The following NR6A1 variants were observed in gnomAD, a reference collection of about 807,000 sequenced individuals.
NR6A1 encodes the protein nuclear receptor subfamily 6 group A member 1.
Under a neutral mutation model 59.1 loss-of-function variants are expected in NR6A1, and 7 were observed. The observed-to-expected ratio is 0.12, with a 90% CI of 0.07 to 0.22. The LOEUF is 0.22. Ranked by LOEUF, NR6A1 falls within the 10% of genes least tolerant of loss-of-function variation. The pLI is 1.00. For missense variants in NR6A1, 468 were observed against 611.6 expected, an observed-to-expected ratio of 0.77 and a Z score of 2.48; for synonymous variants, 243 against 236.1, an observed-to-expected ratio of 1.03 and a Z score of -0.27.
chr9:124,527,831 T>C (rs1488189135), intron 7 of NR6A1, among the ~76,000 whole-genome samples: 2 of 152,242 alleles, frequency 1.3e-5, no homozygotes, highest in African/African-American at 4.8e-5. Context: ...AGGGGATTAA[T>C]GTTTTGGGTA....
chr9:124,552,884 G>A (rs1016251780), intron 3 of NR6A1, among the ~76,000 whole-genome samples: 1 of 152,002 alleles, frequency 6.6e-6, no homozygotes, highest in Non-Finnish European at 1.5e-5. Context: ...GTTTTTAAAA[G>A]GTCCTTCTTA....
chr9:124,681,867 G>C (rs1838172207), intron 2 of NR6A1, among the ~76,000 whole-genome samples: 1 of 152,066 alleles, frequency 6.6e-6, no homozygotes, highest in African/African-American at 2.4e-5. Flanking sequence ...TCATGCTTGG[G>C]TAAAAGATCC....
chr9:124,761,047 T>C (rs1005190377), intron 1 of NR6A1, among the ~76,000 whole-genome samples: 14 of 152,366 alleles, frequency 9.2e-5, no homozygotes, highest in African/African-American at 3.1e-4. Context: ...AGGTTAGACT[T>C]CAAGGGTACA....
chr9:124,672,480 T>C (rs1837824601), intron 2 of NR6A1, among the ~76,000 whole-genome samples: 1 of 152,072 alleles, frequency 6.6e-6, no homozygotes, highest in Admixed American at 6.6e-5. Flanking sequence ...CCGAGTGTGA[T>C]GGCACAAGCC....
At chr9:124,567,039 C>T (rs1268482810) in intron 2 of NR6A1, among the ~76,000 whole-genome samples, 2 of 150,190 alleles carry the variant, frequency 1.3e-5, no homozygotes, top group Admixed American at 1.3e-4. Context: ...ACCCGGGAGG[C>T]GGAGCTTGCA....
At chr9:124,770,265 C>G (rs1446049499) in intron 1 of NR6A1, 1 of 152,162 alleles carries the variant, frequency 6.6e-6, no homozygotes, top group Non-Finnish European at 1.5e-5. Context: ...GGGAGCTGAG[C>G]AGGGGCGGAG....
At chr9:124,580,345 G>A (rs1834726424) in intron 2 of NR6A1, among the ~76,000 whole-genome samples, 1 of 152,064 alleles carries the variant, frequency 6.6e-6, no homozygotes, top group Non-Finnish European at 1.5e-5. Context: ...ACAGTAATAG[G>A]GAACAGGGAA....
intron 2 of NR6A1, among the ~76,000 whole-genome samples, chr9:124,666,417 C>T (rs1427866894): frequency 6.6e-6 from 1 of 151,694 alleles, no homozygotes; most frequent in African/African-American, 2.4e-5. Context: ...TAGCTGGGAC[C>T]ACAGGCATGC....
intron 1 of NR6A1, among the ~76,000 whole-genome samples, chr9:124,735,813 G>C (rs1388484409): frequency 6.6e-6 from 1 of 152,204 alleles, no homozygotes; most frequent in African/African-American, 2.4e-5. Context: ...TGTCTAGTGA[G>C]AGCCCATTTT....
chr9:124,548,502 T>TA (rs904740050), intron 3 of NR6A1, among the ~76,000 whole-genome samples: 135 of 148,892 alleles, frequency 9.1e-4, no homozygotes, highest in African/African-American at 2.9e-3. Flanking sequence ...TAATAAAATG[T>TA]AAAAAAAAAA....
chr9:124,720,963 C>G (rs988884387), intron 2 of NR6A1, among the ~76,000 whole-genome samples: 3 of 152,144 alleles, frequency 2.0e-5, no homozygotes, highest in African/African-American at 7.2e-5. Context: ...TAAGCAACCC[C>G]TTTCAGCTTT....
intron 4 of NR6A1, among the ~76,000 whole-genome samples, chr9:124,543,388 TG>T (rs1833504726): frequency 6.6e-6 from 1 of 152,166 alleles, no homozygotes; most frequent in Non-Finnish European, 1.5e-5. Context: ...TGGGATTGAA[TG>T]GGGGTATTAT....
intron 2 of NR6A1, among the ~76,000 whole-genome samples, chr9:124,720,938 A>G (rs964957506): frequency 2.0e-5 from 3 of 152,234 alleles, no homozygotes; most frequent in African/African-American, 7.2e-5. Flanking sequence ...TTCCCTTGTT[A>G]TCAAGCACTG....
chr9:124,582,897 G>T (rs1391093294), intron 2 of NR6A1, among the ~76,000 whole-genome samples: 1 of 152,006 alleles, frequency 6.6e-6, no homozygotes, highest in African/African-American at 2.4e-5. Context: ...GAAAGAAAAT[G>T]GTTTTGTATC....
rs141526305 is a variant in NR6A1 at position 124,567,746 on chromosome 9, T to C, written c.143-13176A>G. Among the ~76,000 whole-genome samples the C allele has an allele frequency of 6.1e-4, 92 of 150,826 alleles. 1 individual carries two copies. The highest frequency in any genetic ancestry group is 1.2e-3 in the Non-Finnish European group (84 of 67,760). On this transcript the variant is annotated intron_variant, in intron 2 of 9. Coordinates refer to ENST00000487099, the MANE Select transcript of NR6A1 (RefSeq NM_033334.4). ...GGTAAAGAAATAAAATAATTAGCTA[T>C]ACATCATGATCCATTGGGAGTGATA...
At chr9:124,533,994 G>A (rs182141278) in intron 7 of NR6A1, among the ~76,000 whole-genome samples, 1 of 151,610 alleles carries the variant, frequency 6.6e-6, no homozygotes, top group East Asian at 1.9e-4. Flanking sequence ...GGAATCCCAT[G>A]ACTTCCAGTA....
intron 3 of NR6A1, among the ~76,000 whole-genome samples, chr9:124,546,315 A>C (rs1833599402): frequency 6.6e-6 from 1 of 152,264 alleles, no homozygotes; most frequent in Admixed American, 6.5e-5. Context: ...ACTAAAGAGC[A>C]GAATCAGGGT....
At chr9:124,705,639 G>C (rs1423227670) in intron 2 of NR6A1, among the ~76,000 whole-genome samples, 1 of 152,120 alleles carries the variant, frequency 6.6e-6, no homozygotes, top group Non-Finnish European at 1.5e-5. Context: ...CTTTTGAATA[G>C]ATGGTACATT....
At chr9:124,579,271 G>A in intron 2 of NR6A1, among the ~76,000 whole-genome samples, 1 of 151,890 alleles carries the variant, frequency 6.6e-6, no homozygotes, top group Non-Finnish European at 1.5e-5. Flanking sequence ...TTAAAACTTA[G>A]CCAAGTGTGG....
Sources: allele counts gnomAD v4.1 joint callset (sites outside exome capture counted in the v4.1 genomes callset), GRCh38; gene constraint gnomAD v4.1.1; transcripts MANE v1.5; gene names NCBI Gene and HGNC (gene_info 2026-07-23, HGNC 2026-07-21).